CDH6: variants seen among roughly 807,000 people sequenced by gnomAD.
CDH6 encodes cadherin 6.
CDH6 carries 31 observed loss-of-function variants against 78.0 expected under a neutral mutation model. The ratio of observed to expected loss-of-function variants is 0.40; its 90% CI spans 0.30 to 0.54. The LOEUF (loss-of-function observed/expected upper bound fraction) is 0.54, where lower values mean the gene tolerates loss of function less well. CDH6 is among the 20% of genes least tolerant of loss of function. CDH6 has a pLI of 0.56. For missense variants in CDH6, 724 were observed against 975.9 expected, an observed-to-expected ratio of 0.74 and a Z score of 3.44; for synonymous variants, 376 against 368.8, an observed-to-expected ratio of 1.02 and a Z score of -0.23.
At chr5:31,231,190 T>C (rs1238341805) in intron 1 of CDH6, among the ~76,000 whole-genome samples, 1 of 152,206 alleles carries the variant, frequency 6.6e-6, no homozygotes, top group Non-Finnish European at 1.5e-5. Context: ...CACGATGCAA[T>C]TAAAATTAAA....
chr5:31,302,730 A>AGAAG (rs1296800285), intron 6 of CDH6, among the ~76,000 whole-genome samples: 4 of 137,816 alleles, frequency 2.9e-5, no homozygotes, highest in African/African-American at 7.8e-5. Flanking sequence ...AAAAGAAGAA[A>AGAAG]GAAGGAAGGA....
chr5:31,281,088 A>G (rs1742851690), intron 2 of CDH6, among the ~76,000 whole-genome samples: 1 of 152,214 alleles, frequency 6.6e-6, no homozygotes, highest in Non-Finnish European at 1.5e-5. Flanking sequence ...AGAGATACAT[A>G]GCTTTAACTT....
At position 31,325,646 on chromosome 5, in the gene CDH6, C is replaced by T. The variant is rs1738609817; in HGVS notation, c.*2338C>T. ...AATGTTTAAAGGTAAGATCTGAGTT[C>T]TCCTAATAAGTAAAAGTAAGTAGTT... is the stretch of plus-strand genomic sequence containing the variant. On this transcript the variant is annotated 3_prime_UTR_variant, in exon 12 of 12. Transcript: ENST00000265071. 4.3e-6 allele frequency: 1 copy of T among 230,890 alleles called. No individual in the cohort carries two copies. The highest frequency in any genetic ancestry group is 8.6e-6 in the Non-Finnish European group (1 of 116,748). The allele number at this position is 230,890 out of a possible 1,614,324, so 14.3% of individuals were successfully genotyped here. A position where few individuals can be genotyped will look rare whatever the true frequency, so the allele number is the denominator to read the frequency against.
chr5:31,292,855 ATATATATATATATATATATG>A (rs1314819178), intron 2 of CDH6, among the ~76,000 whole-genome samples: 21 of 14,998 alleles, frequency 1.4e-3, no homozygotes, highest in East Asian at 3.0e-3. Context: ...ATGTGTGCAT[ATATATATATATATATATATG>A]TATGTGTTTG....
At position 31,228,727 on chromosome 5, in the gene CDH6, G is replaced by A. The variant is rs1029983580; in HGVS notation, c.-129+34841G>A. ...ACATGCGCAGTTCACAATAGGGTTC[G>A]CCCTCCTATGAGAATCTAATGCCTC... On this transcript the variant is annotated intron_variant, in intron 1 of 11. Transcript: ENST00000265071. Among the ~76,000 whole-genome samples the A allele has an allele frequency of 8.5e-5, 13 of 152,258 alleles. No individual in the cohort carries two copies. In the South Asian group the frequency reaches 2.3e-3, roughly 27 times the overall value.
chr5:31,302,967 A>G (rs201789960), intron 6 of CDH6, among the ~76,000 whole-genome samples: 12,268 of 69,758 alleles, frequency 0.18, 1,158 homozygotes, highest in Middle Eastern at 0.28. Flanking sequence ...AGGAAAGAAA[A>G]GAAAGAAAGA....
chr5:31,203,560 C>T (rs980309772), intron 1 of CDH6, among the ~76,000 whole-genome samples: 6 of 146,580 alleles, frequency 4.1e-5, no homozygotes, highest in Non-Finnish European at 7.5e-5. Flanking sequence ...ATCCATGTCC[C>T]TACAAAGGAC....
intron 2 of CDH6, among the ~76,000 whole-genome samples, chr5:31,286,133 A>G (rs1299183426): frequency 6.6e-6 from 1 of 152,148 alleles, no homozygotes; most frequent in African/African-American, 2.4e-5. Flanking sequence ...TTATTCTTTC[A>G]TTCATTCCTT....
At chr5:31,194,248 G>A (rs930008765) in intron 1 of CDH6, among the ~76,000 whole-genome samples, 2 of 152,218 alleles carry the variant, frequency 1.3e-5, no homozygotes, top group Non-Finnish European at 1.5e-5. Context: ...GGGGAGCTCT[G>A]GCATTTGCAA....
intron 1 of CDH6, among the ~76,000 whole-genome samples, chr5:31,196,574 C>G (rs919873438): frequency 3.9e-5 from 6 of 152,126 alleles, no homozygotes; most frequent in African/African-American, 1.4e-4. Context: ...GCATTTCTCC[C>G]TGGAGTTCAG....
chr5:31,283,847 C>G (rs1038210152), intron 2 of CDH6, among the ~76,000 whole-genome samples: 1 of 151,878 alleles, frequency 6.6e-6, no homozygotes, highest in East Asian at 1.9e-4. Flanking sequence ...TGGAGTCTCA[C>G]TCTGTCTCCC....
At chr5:31,303,333 G>A (rs1016877457) in intron 6 of CDH6, among the ~76,000 whole-genome samples, 2 of 152,120 alleles carry the variant, frequency 1.3e-5, no homozygotes, top group African/African-American at 2.4e-5. Context: ...TACTGTGAAG[G>A]AAGAGAGTAC....
intron 1 of CDH6, among the ~76,000 whole-genome samples, chr5:31,200,522 G>A (rs1458085525): frequency 6.7e-6 from 1 of 149,772 alleles, no homozygotes; most frequent in Non-Finnish European, 1.5e-5. Context: ...ATCACAATTT[G>A]GTATTTGTTC....
chr5:31,208,605 G>A (rs1740605370), intron 1 of CDH6, among the ~76,000 whole-genome samples: 1 of 152,130 alleles, frequency 6.6e-6, no homozygotes, highest in African/African-American at 2.4e-5. Context: ...TGTTCATGGT[G>A]GAAACTGTGG....
intron 1 of CDH6, among the ~76,000 whole-genome samples, chr5:31,230,730 A>G (rs1165868196): frequency 1.3e-5 from 2 of 152,204 alleles, no homozygotes. Context: ...TAGAACAACA[A>G]ATCCATTGAG....
chr5:31,281,436 G>C (rs1387247695), intron 2 of CDH6, among the ~76,000 whole-genome samples: 1 of 152,082 alleles, frequency 6.6e-6, no homozygotes, highest in Non-Finnish European at 1.5e-5. Flanking sequence ...TCTAACTGGT[G>C]AGTTACAACG....
chr5:31,266,242 A>C (rs555488422), intron 1 of CDH6, among the ~76,000 whole-genome samples: 33 of 152,198 alleles, frequency 2.2e-4, no homozygotes, highest in Non-Finnish European at 4.4e-4. Context: ...TCTGGCCACC[A>C]GGATTTTTTT....
At chr5:31,221,978 G>A (rs1741015459) in intron 1 of CDH6, among the ~76,000 whole-genome samples, 1 of 152,118 alleles carries the variant, frequency 6.6e-6, no homozygotes, top group Non-Finnish European at 1.5e-5. Context: ...AACCATCCGG[G>A]AGGCTTTCTC....
rs190283375 is a variant in CDH6 at position 31,219,575 on chromosome 5, C to A, written c.-129+25689C>A. 9.9e-4 allele frequency among the ~76,000 whole-genome samples: 150 copies of A among 152,230 alleles called. 1 individual carries two copies. The highest frequency in any genetic ancestry group is 3.5e-3 in the African/African-American group (147 of 41,556). ...AAATGAGGCAGTTATATGTTGAGCT[C>A]ACCCCAGATACACCATCACATTACC... On this transcript the variant is annotated intron_variant, in intron 1 of 11. Transcript: ENST00000265071.
Sources: allele counts gnomAD v4.1 joint callset (sites outside exome capture counted in the v4.1 genomes callset), GRCh38; gene constraint gnomAD v4.1.1; transcripts MANE v1.5; gene names NCBI Gene and HGNC (gene_info 2026-07-23, HGNC 2026-07-21).